Variants in COL21A1 observed in about 807,000 individuals in gnomAD.
The protein encoded by COL21A1 is collagen alpha-1(XXI) chain.
Under a neutral mutation model 137.9 loss-of-function variants are expected in COL21A1, and 149 were observed. The ratio of observed to expected loss-of-function variants is 1.08; its 90% confidence interval spans 0.95 to 1.24. COL21A1 has a LOEUF of 1.24. Among genes scored for constraint, COL21A1 ranks in the 50% most tolerant of loss-of-function variants. The probability of loss-of-function intolerance (pLI) is 0.00; values close to 1 mark genes in which losing one functional copy is unlikely to be tolerated. For synonymous variants in COL21A1, 456 were observed against 391.5 expected, an observed-to-expected ratio of 1.16 and a Z score of -1.95; for missense variants, 1,167 against 1,158.4, an observed-to-expected ratio of 1.01 and a Z score of -0.11.
chr6:56,161,822 T>C lies in COL21A1; in HGVS notation c.1371+2601A>G, dbSNP rs372089466. Among the ~76,000 whole-genome samples, 3 of 152,272 alleles carry C rather than the reference T, an allele frequency of 2.0e-5. No individual in the cohort carries two copies. In the East Asian group the frequency reaches 5.8e-4, roughly 29 times the overall value. ...GTTTTGCAACAGTGTTGTCATATTTTCCAGAAATCTAAAGAACTTTAAAAA... is the reference window on the plus strand; with the variant it reads ...GTTTTGCAACAGTGTTGTCATATTTCCCAGAAATCTAAAGAACTTTAAAAA... On this transcript the variant is annotated intron_variant, in intron 9 of 29. Coordinates refer to ENST00000244728, the MANE Select transcript of COL21A1 (RefSeq NM_030820.4).
chr6:56,225,803 A>C (rs558115966), intron 1 of COL21A1: 1 of 152,140 alleles, frequency 6.6e-6, no homozygotes, highest in African/African-American at 2.4e-5. Flanking sequence ...GTAATTCTAG[A>C]ATGGCAGAAG....
rs373625587 is a variant in COL21A1 at position 56,343,995 on chromosome 6, C to T, written c.-39+49976G>A. ...GGGAAGTTGAGACAGTGATGGATAA[C>T]AATATTTGACTATTTTGGCCAGTTT... is the stretch of plus-strand genomic sequence containing the variant. On this transcript the variant is annotated intron_variant, in intron 1 of 28. Transcript: ENST00000370819. 1.1e-3 allele frequency among the ~76,000 whole-genome samples: 168 copies of T among 152,256 alleles called. 1 individual carries two copies. The highest frequency in any genetic ancestry group is 4.0e-3 in the African/African-American group (165 of 41,550).
chr6:56,179,983 C>A lies in COL21A1; in HGVS notation c.235G>T (p.Val79Phe). The change falls in exon 3 of 30, where the codon GTT becomes TTT. Residue 79 changes from valine to phenylalanine, a missense_variant. Coordinates refer to ENST00000244728, the MANE Select transcript of COL21A1 (RefSeq NM_030820.4). The part of the protein sequence containing the change: ...IGPKFIQVGV[V>F]QYSDYPVLEI... ...AGCACAGGGTAGTCACTATATTGAACCACTCCAACTTGAATAAACTTCGGC... is the reference window on the plus strand; with the variant it reads ...AGCACAGGGTAGTCACTATATTGAAACACTCCAACTTGAATAAACTTCGGC... 2 of 1,613,890 alleles carry A rather than the reference C, an allele frequency of 1.2e-6. No homozygotes were observed. Among genetic ancestry groups the A allele is most frequent in the Non-Finnish European group, 1.7e-6 (2 of 1,179,852 alleles).
In COL21A1 at chr6:56,206,697, AATATATATATATATATATATATAT is replaced by A. The variant is rs1204449084; in HGVS notation, c.-38-24065_-38-24042del. On this transcript the variant is annotated intron_variant, in intron 1 of 29. Coordinates refer to ENST00000244728, the MANE Select transcript of COL21A1 (RefSeq NM_030820.4). ...ATTCAACAAAATAAATAAATAAATA[AATATATATATATATATATATATAT>A]ATATATATATATATATTCTAATCAG... Among the ~76,000 whole-genome samples the A allele has an allele frequency of 2.8e-3, 90 of 32,332 alleles. 1 individual carries two copies. The East Asian group carries it at 0.12, about 43-fold the overall frequency. The allele number at this position is 32,332 out of a possible 152,430, so 21.2% of individuals were successfully genotyped here.
intron 12 of COL21A1, among the ~76,000 whole-genome samples, chr6:56,130,961 G>A (rs1925167): frequency 6.6e-6 from 1 of 152,068 alleles, no homozygotes; most frequent in Non-Finnish European, 1.5e-5. Context: ...TCCAGGATGG[G>A]CATGTAACAT....
intron 10 of COL21A1, among the ~76,000 whole-genome samples, chr6:56,148,719 A>T (rs903832736): frequency 2.6e-5 from 4 of 152,138 alleles, no homozygotes; most frequent in African/African-American, 7.2e-5. Context: ...CTCACCCTCA[A>T]CAAGTGTACT....
At chr6:56,292,094 G>A (rs9464372) in intron 1 of COL21A1, among the ~76,000 whole-genome samples, 128,255 of 152,058 alleles carry the variant, frequency 0.84, 56,074 homozygotes, top group South Asian at 0.97. Flanking sequence ...GCTTGAACCC[G>A]GGACGTGGAG....
chr6:56,267,833 G>T (rs1763429777), intron 1 of COL21A1, among the ~76,000 whole-genome samples: 1 of 151,644 alleles, frequency 6.6e-6, no homozygotes, highest in Non-Finnish European at 1.5e-5. Flanking sequence ...GCAGGGAGGG[G>T]ATAAGATGAC....
intron 17 of COL21A1, among the ~76,000 whole-genome samples, chr6:56,088,529 G>A (rs1462785009): frequency 6.6e-6 from 1 of 152,134 alleles, no homozygotes; most frequent in African/African-American, 2.4e-5. Flanking sequence ...TGCAGCAACA[G>A]TTTCACAAAT....
chr6:56,151,536 G>A (rs1246463302), intron 10 of COL21A1, among the ~76,000 whole-genome samples: 1 of 152,140 alleles, frequency 6.6e-6, no homozygotes, highest in East Asian at 1.9e-4. Flanking sequence ...AGAAATGGAA[G>A]GATCTGAAAT....
At chr6:56,139,348 A>G (rs1416447606) in intron 12 of COL21A1, among the ~76,000 whole-genome samples, 1 of 152,152 alleles carries the variant, frequency 6.6e-6, no homozygotes, top group East Asian at 1.9e-4. Context: ...CACTTTCCAG[A>G]TGATAAAAAC....
At chr6:56,103,850 G>A (rs1404302541) in intron 16 of COL21A1, among the ~76,000 whole-genome samples, 2 of 152,106 alleles carry the variant, frequency 1.3e-5, no homozygotes, top group African/African-American at 4.8e-5. Context: ...TTCCTGATAT[G>A]GTAGGTCTGG....
intron 17 of COL21A1, among the ~76,000 whole-genome samples, chr6:56,098,363 GAATATATA>G (rs2114249969): frequency 5.9e-4 from 20 of 34,174 alleles, no homozygotes; most frequent in South Asian, 3.1e-3. Context: ...ATATATATAT[GAATATATA>G]TAAATATATA....
rs560449084 is a variant in COL21A1 at position 56,232,246 on chromosome 6, C to T, written c.-39+15141G>A. Among the ~76,000 whole-genome samples the T allele has an allele frequency of 2.8e-4, 43 of 151,752 alleles. 1 individual carries two copies. Among genetic ancestry groups the T allele is most frequent in the Non-Finnish European group, 2.5e-4 (17 of 67,838 alleles). ...AAAATGAAAACATCCTGGGAAAAAG[C>T]AACTCAAGAGAACTAAAAATCATTC... On this transcript the variant is annotated intron_variant, in intron 1 of 29. Coordinates refer to ENST00000244728, the MANE Select transcript of COL21A1 (RefSeq NM_030820.4).
intron 1 of COL21A1, among the ~76,000 whole-genome samples, chr6:56,235,244 T>C (rs553464365): frequency 1.4e-4 from 22 of 152,022 alleles, no homozygotes; most frequent in African/African-American, 5.1e-4. Context: ...TGCATATATA[T>C]GCCTCTGGTA....
At chr6:56,275,542 A>C (rs905717776) in intron 1 of COL21A1, among the ~76,000 whole-genome samples, 2 of 152,256 alleles carry the variant, frequency 1.3e-5, no homozygotes, top group African/African-American at 2.4e-5. Context: ...TCCCGTTAAA[A>C]ATGGATAAAA....
At chr6:56,101,296 A>T (rs931301190) in intron 17 of COL21A1, among the ~76,000 whole-genome samples, 176 bp downstream of exon 17, 1 of 152,216 alleles carries the variant, frequency 6.6e-6, no homozygotes, top group African/African-American at 2.4e-5. Flanking sequence ...TTTCTAAAAG[A>T]GGATTCAACA....
At chr6:56,154,659 GC>G (rs1361003296) in intron 10 of COL21A1, among the ~76,000 whole-genome samples, 1 of 151,824 alleles carries the variant, frequency 6.6e-6, no homozygotes, top group Non-Finnish European at 1.5e-5. Flanking sequence ...TTCTACTCTT[GC>G]CCCCATATAA....
chr6:56,059,940 T>TA, intron 28 of COL21A1, 78 bp downstream of exon 28: 1 of 989,732 alleles, frequency 1.0e-6, no homozygotes, highest in Non-Finnish European at 1.5e-6. Context: ...TTAACTCGAC[T>TA]ATTAAATGGA....
Sources: allele counts gnomAD v4.1 joint callset (sites outside exome capture counted in the v4.1 genomes callset), GRCh38; gene constraint gnomAD v4.1.1; transcripts MANE v1.5; gene names NCBI Gene and HGNC (gene_info 2026-07-23, HGNC 2026-07-21).